Variants in RAP1A observed in about 807,000 individuals in gnomAD.
The protein encoded by RAP1A is ras-related protein Rap-1A.
A neutral mutation model predicts 26.4 loss-of-function variants in RAP1A; 6 were observed. The ratio of observed to expected loss-of-function variants is 0.23; its 90% CI spans 0.12 to 0.45. The LOEUF is 0.45. RAP1A is among the 20% of genes least tolerant of loss of function. RAP1A has a pLI of 0.99. For missense variants in RAP1A, 121 were observed against 217.2 expected, an observed-to-expected ratio of 0.56 and a Z score of 2.78; for synonymous variants, 73 against 79.4, an observed-to-expected ratio of 0.92 and a Z score of 0.43.
At chr1:111,672,998 G>T (rs896929342) in intron 1 of RAP1A, among the ~76,000 whole-genome samples, 3 of 152,094 alleles carry the variant, frequency 2.0e-5, no homozygotes, top group Non-Finnish European at 2.9e-5. Context: ...CAGATAGCTG[G>T]TGAAACCTTT....
intron 1 of RAP1A, among the ~76,000 whole-genome samples, chr1:111,661,897 T>A (rs2101158907): frequency 6.6e-6 from 1 of 152,132 alleles, no homozygotes; most frequent in East Asian, 1.9e-4. Flanking sequence ...TTCTTCAGAA[T>A]AAACCCTAGA....
chr1:111,668,834 A>G (rs1258439739), intron 1 of RAP1A, among the ~76,000 whole-genome samples: 4 of 151,946 alleles, frequency 2.6e-5, no homozygotes, highest in Admixed American at 1.3e-4. Context: ...TTCGAGACCA[A>G]TGTGGGCAAC....
chr1:111,685,888 A>G (rs899405506), intron 1 of RAP1A, among the ~76,000 whole-genome samples: 1 of 152,212 alleles, frequency 6.6e-6, no homozygotes, highest in African/African-American at 2.4e-5. Context: ...ATGCCCATCA[A>G]TGATAGACTG....
chr1:111,577,021 A>AT (rs1236760969), intron 1 of RAP1A, among the ~76,000 whole-genome samples: 1 of 152,186 alleles, frequency 6.6e-6, no homozygotes, highest in African/African-American at 2.4e-5. Flanking sequence ...AGGAAGTTCC[A>AT]TGGGGCAATC....
At chr1:111,673,065 C>T (rs960102227) in intron 1 of RAP1A, among the ~76,000 whole-genome samples, 4 of 152,058 alleles carry the variant, frequency 2.6e-5, no homozygotes, top group Admixed American at 6.5e-5. Flanking sequence ...CTCTTTTGTT[C>T]GGCACTCTCT....
chr1:111,681,970 G>A (rs1248359492), intron 1 of RAP1A, among the ~76,000 whole-genome samples: 1 of 152,186 alleles, frequency 6.6e-6, no homozygotes, highest in African/African-American at 2.4e-5. Context: ...CCCACAAAGG[G>A]AAGCCTATCA....
At chr1:111,575,609 A>G (rs895085660) in intron 1 of RAP1A, among the ~76,000 whole-genome samples, 1 of 152,154 alleles carries the variant, frequency 6.6e-6, no homozygotes, top group Non-Finnish European at 1.5e-5. Flanking sequence ...AAGTGTCCTT[A>G]TAGGAATTGG....
chr1:111,605,164 T>C (rs1305181716), intron 1 of RAP1A, among the ~76,000 whole-genome samples: 1 of 152,224 alleles, frequency 6.6e-6, no homozygotes, highest in Non-Finnish European at 1.5e-5. Flanking sequence ...ACTGGTATTC[T>C]AAGGAAGGTA....
chr1:111,592,814 AC>A (rs1188976322), intron 1 of RAP1A, among the ~76,000 whole-genome samples: 3 of 150,818 alleles, frequency 2.0e-5, no homozygotes, highest in Non-Finnish European at 4.4e-5. Flanking sequence ...TTTCTGCCCC[AC>A]CCCCTCCCAT....
At chr1:111,596,988 T>A (rs565373916) in intron 1 of RAP1A, among the ~76,000 whole-genome samples, 2 of 152,330 alleles carry the variant, frequency 1.3e-5, no homozygotes, top group South Asian at 4.1e-4. Flanking sequence ...GAAAATATTA[T>A]CCGGGCGAAA....
intron 1 of RAP1A, among the ~76,000 whole-genome samples, chr1:111,669,006 A>G (rs1044428301): frequency 6.7e-6 from 1 of 148,580 alleles, no homozygotes; most frequent in African/African-American, 2.5e-5. Flanking sequence ...CCTGGGCAAC[A>G]GAATGAGACC....
intron 6 of RAP1A, chr1:111,706,627 G>A: frequency 1.3e-6 from 1 of 789,766 alleles, no homozygotes. Context: ...AGGAATGGGA[G>A]AGGGATTGAG....
At chr1:111,579,772 A>G (rs1202365342) in intron 1 of RAP1A, among the ~76,000 whole-genome samples, 1 of 151,714 alleles carries the variant, frequency 6.6e-6, no homozygotes, top group Non-Finnish European at 1.5e-5. Flanking sequence ...ATTTTAAAAT[A>G]AAGTGTTGAA....
intron 1 of RAP1A, among the ~76,000 whole-genome samples, chr1:111,554,331 C>T (rs1306245956): frequency 6.6e-6 from 1 of 152,156 alleles, no homozygotes; most frequent in Non-Finnish European, 1.5e-5. Context: ...CCTCTCAAAC[C>T]TACCAGATAA....
intron 1 of RAP1A, among the ~76,000 whole-genome samples, chr1:111,545,749 T>C (rs1435432564): frequency 6.6e-6 from 1 of 152,182 alleles, no homozygotes; most frequent in Non-Finnish European, 1.5e-5. Context: ...GCTTTGTTAT[T>C]TTAGCTCTTA....
intron 1 of RAP1A, among the ~76,000 whole-genome samples, chr1:111,606,339 TA>T (rs55837478): frequency 0.13 from 19,489 of 150,370 alleles, 1,335 homozygotes; most frequent in Non-Finnish European, 0.14. Context: ...GAGGAACCTT[TA>T]AAAAAAAAAT....
At chr1:111,564,086 G>C (rs556115921) in intron 1 of RAP1A, 2 of 615,558 alleles carry the variant, frequency 3.2e-6, no homozygotes, top group East Asian at 5.5e-5. Context: ...TACTCATAAA[G>C]CCTTAAGCTC....
chr1:111,581,666 C>A (rs1557857270), intron 1 of RAP1A, among the ~76,000 whole-genome samples: 1 of 152,196 alleles, frequency 6.6e-6, no homozygotes, highest in Non-Finnish European at 1.5e-5. Flanking sequence ...TTCCTTTCAT[C>A]TGGAAGCCCT....
At chr1:111,582,395 A>G (rs1010783586) in intron 1 of RAP1A, among the ~76,000 whole-genome samples, 1 of 152,174 alleles carries the variant, frequency 6.6e-6, no homozygotes, top group Non-Finnish European at 1.5e-5. Flanking sequence ...GAGCCTCCCT[A>G]TCCTCTGTTT....
Sources: gnomAD v4.1 joint callset for allele counts (sites outside exome capture counted in the v4.1 genomes callset) on GRCh38, gnomAD v4.1.1 for gene constraint, MANE v1.5 for transcripts, NCBI Gene and HGNC (gene_info 2026-07-23, HGNC 2026-07-21) for gene names.